KIT: variants seen among roughly 807,000 people sequenced by gnomAD.
KIT encodes the protein mast/stem cell growth factor receptor Kit.
Under a neutral mutation model 105.7 loss-of-function variants are expected in KIT, and 16 were observed. The ratio of observed to expected loss-of-function variants is 0.15; its 90% CI spans 0.10 to 0.23. KIT has a LOEUF of 0.23. Ranked by LOEUF, KIT falls within the 10% of genes least tolerant of loss-of-function variation. The pLI, the probability that KIT is intolerant of heterozygous loss-of-function variation, is 1.00. For missense variants in KIT, 858 were observed against 1,213.8 expected (o/e 0.71, Z 4.36); for synonymous variants, 438 against 441.1 (o/e 0.99, Z 0.09).
Position 54,691,895 on chromosome 4 carries a change from C to T in KIT, c.68-3617C>T, listed in dbSNP as rs559310470. On this transcript the variant is annotated intron_variant, in intron 1 of 20. Coordinates refer to ENST00000288135, the MANE Select transcript of KIT (RefSeq NM_000222.3). ...GGAAAGAATGCTAGGATGTGCTGCC[C>T]GAGAGGGGGAAGTCAGGTAGGAACA... 3.3e-5 allele frequency among the ~76,000 whole-genome samples: 5 copies of T among 152,016 alleles called. No individual in the cohort carries two copies. The South Asian group carries it at 6.3e-4, about 19-fold the overall frequency.
intron 1 of KIT, among the ~76,000 whole-genome samples, chr4:54,692,605 A>C (rs1373250131): frequency 6.6e-6 from 1 of 152,214 alleles, no homozygotes; most frequent in Non-Finnish European, 1.5e-5. Context: ...TATCATGCAC[A>C]TTCATTGGGA....
At chr4:54,699,487 T>A (rs373962555) in intron 3 of KIT, 143 bp from the exon 4 acceptor site, 1 of 849,498 alleles carries the variant, frequency 1.2e-6, no homozygotes, top group African/African-American at 1.7e-5. Context: ...GATATGCAAG[T>A]AGTACAGATA....
In KIT at chr4:54,725,919, G is replaced by T. The variant is rs755572814; in HGVS notation, c.1409G>T (p.Gly470Val). The change falls in exon 9 of 21, where the codon GGA (glycine) becomes GTA (valine). Residue 470 changes from glycine to valine, a missense_variant. Physicochemically the swap from Gly to Val is moderately radical, Grantham distance 109. This residue lies in a region of KIT where 401 missense variants were observed against 601.0 expected (regional missense o/e 0.67). Coordinates refer to ENST00000288135, the MANE Select transcript of KIT (RefSeq NM_000222.3). Reference sequence around the variant, plus strand: ...CTAAACTCATCTGGGCCACCGTTTGGAAAGCTAGTGGTTCAGAGTTCTATA... The same window carrying T: ...CTAAACTCATCTGGGCCACCGTTTGTAAAGCTAGTGGTTCAGAGTTCTATA... ...QTLNSSGPPF[G>V]KLVVQSSIDS... 1 of 1,614,140 alleles carries T rather than the reference G, an allele frequency of 6.2e-7. No individual in the cohort carries two copies.
At chr4:54,682,684 C>A (rs968033610) in intron 1 of KIT, among the ~76,000 whole-genome samples, 17 of 151,944 alleles carry the variant, frequency 1.1e-4, no homozygotes, top group African/African-American at 4.1e-4. Flanking sequence ...TCTGCCTCGG[C>A]CTCCCAAAGT....
chr4:54,664,448 T>G (rs977065308), intron 1 of KIT, among the ~76,000 whole-genome samples: 2 of 152,128 alleles, frequency 1.3e-5, no homozygotes, highest in African/African-American at 2.4e-5. Context: ...GGCTGCCTGT[T>G]CCACCATTCT....
At chr4:54,733,858 T>A (rs1014522313) in intron 17 of KIT, among the ~76,000 whole-genome samples, 5 of 152,158 alleles carry the variant, frequency 3.3e-5, no homozygotes, top group South Asian at 4.1e-4. Context: ...GCCTGTGATT[T>A]CCAGAGTGGC....
chr4:54,738,334 A>G, intron 20 of KIT, 95 bp from the exon 21 acceptor site: 1 of 1,444,492 alleles, frequency 6.9e-7, no homozygotes, highest in African/African-American at 1.4e-5. Flanking sequence ...AAGAGTTTCC[A>G]TCAGTTAGTT....
At chr4:54,690,642 T>C (rs1719646036) in intron 1 of KIT, among the ~76,000 whole-genome samples, 1 of 152,230 alleles carries the variant, frequency 6.6e-6, no homozygotes, top group Non-Finnish European at 1.5e-5. Context: ...GTACATTTGC[T>C]AATGCAAAAA....
At chr4:54,723,086 C>T (rs913985041) in intron 7 of KIT, among the ~76,000 whole-genome samples, 1 of 152,034 alleles carries the variant, frequency 6.6e-6, no homozygotes, top group Non-Finnish European at 1.5e-5. Flanking sequence ...CTTCCACCCC[C>T]AAAAAGGAGA....
chr4:54,658,439 C>G (rs1249478879), intron 1 of KIT, among the ~76,000 whole-genome samples: 1 of 152,024 alleles, frequency 6.6e-6, no homozygotes, highest in Non-Finnish European at 1.5e-5. Flanking sequence ...GGGTTTGCAC[C>G]GAGCGCCTTC....
chr4:54,699,236 G>A (rs1011515300), intron 3 of KIT, among the ~76,000 whole-genome samples: 11 of 152,082 alleles, frequency 7.2e-5, no homozygotes, highest in African/African-American at 2.7e-4. Context: ...AGGTGAGCAG[G>A]GTAGGATTTG....
intron 13 of KIT, 70 bp from the exon 14 acceptor site, chr4:54,729,265 T>C (rs1722433127): frequency 1.9e-6 from 3 of 1,547,964 alleles, no homozygotes; most frequent in Non-Finnish European, 2.7e-6. Context: ...CACCCTTGGG[T>C]ATTTTTATGG....
At chr4:54,701,939 T>G (rs1335231134) in intron 4 of KIT, among the ~76,000 whole-genome samples, 1 of 152,284 alleles carries the variant, frequency 6.6e-6, no homozygotes, top group Admixed American at 6.5e-5. Context: ...TAGTAGGAAA[T>G]CTACATAGTG....
At chr4:54,679,314 C>T (rs949874752) in intron 1 of KIT, among the ~76,000 whole-genome samples, 3 of 152,086 alleles carry the variant, frequency 2.0e-5, no homozygotes, top group Non-Finnish European at 4.4e-5. Flanking sequence ...GCTTGTTATC[C>T]GGAGCTGTAG....
At chr4:54,711,311 C>T (rs1721145300) in intron 7 of KIT, among the ~76,000 whole-genome samples, 1 of 152,192 alleles carries the variant, frequency 6.6e-6, no homozygotes, top group Admixed American at 6.5e-5. Flanking sequence ...AGTCTTTTGA[C>T]TATGAACATT....
chr4:54,676,857 C>T (rs1217904844), intron 1 of KIT, among the ~76,000 whole-genome samples: 1 of 152,126 alleles, frequency 6.6e-6, no homozygotes, highest in African/African-American at 2.4e-5. Context: ...CCCTTCTGTC[C>T]ACTGCCAGGG....
At chr4:54,711,951 A>C (rs1458671568) in intron 7 of KIT, among the ~76,000 whole-genome samples, 2 of 151,852 alleles carry the variant, frequency 1.3e-5, no homozygotes, top group Non-Finnish European at 2.9e-5. Flanking sequence ...AAAAAAGATA[A>C]TAGTATATAG....
chr4:54,725,898 A>C lies in KIT; in HGVS notation c.1388A>C (p.Asn463Thr), dbSNP rs2109768433. Residue 463 changes from asparagine to threonine, a missense_variant, in exon 9 of 21, where the codon AAC becomes ACC. Around this residue, in one of 7 missense-constraint regions of KIT, gnomAD observed 401 missense variants for 601.0 expected, o/e 0.67. Transcript: ENST00000288135. ...CTGCCAGTGGATGTGCAGACACTAA[A>C]CTCATCTGGGCCACCGTTTGGAAAG... is the stretch of plus-strand genomic sequence containing the variant. ...SVLPVDVQTL[N>T]SSGPPFGKLV... 3.7e-6 allele frequency: 6 copies of C among 1,613,876 alleles called. No individual in the cohort carries two copies. The highest frequency in any genetic ancestry group is 5.1e-6 in the Non-Finnish European group (6 of 1,179,976).
intron 1 of KIT, among the ~76,000 whole-genome samples, chr4:54,660,679 G>C (rs1717193695): frequency 6.6e-6 from 1 of 152,052 alleles, no homozygotes; most frequent in Non-Finnish European, 1.5e-5. Context: ...AATGAGCCTA[G>C]GAAGTAGTAC....
Sources: gnomAD v4.1 joint callset for allele counts (sites outside exome capture counted in the v4.1 genomes callset) on GRCh38, gnomAD v4.1.1 for gene constraint, gnomAD v4.1.1 regional missense constraint, MANE v1.5 for transcripts, NCBI Gene and HGNC (gene_info 2026-07-23, HGNC 2026-07-21) for gene names.